The following DNM3 variants were observed in gnomAD, a reference collection of about 807,000 sequenced individuals.
DNM3 encodes dynamin-3.
A neutral mutation model predicts 101.6 loss-of-function variants in DNM3; 47 were observed. That is an observed-to-expected ratio of 0.46 (90% confidence interval 0.37 to 0.59). The LOEUF (loss-of-function observed/expected upper bound fraction) is 0.59. Among genes scored for constraint, DNM3 ranks in the 20% least tolerant of loss-of-function variants. The pLI is 0.00. For missense variants in DNM3, 849 were observed against 1,085.7 expected (o/e 0.78, Z 3.06); for synonymous variants, 385 against 387.9 (o/e 0.99, Z 0.09).
chr1:172,364,301 G>C (rs2067895739), intron 17 of DNM3, among the ~76,000 whole-genome samples: 1 of 151,818 alleles, frequency 6.6e-6, no homozygotes, highest in African/African-American at 2.4e-5. Context: ...CTGTGTATAA[G>C]GGGGTCATTT....
At chr1:172,313,172 T>C (rs2065151596) in intron 16 of DNM3, among the ~76,000 whole-genome samples, 1 of 152,224 alleles carries the variant, frequency 6.6e-6, no homozygotes, top group Non-Finnish European at 1.5e-5. Flanking sequence ...ATTACAACCA[T>C]TGTAAAATTT....
At chr1:172,376,922 G>A (rs1573656585) in intron 17 of DNM3, among the ~76,000 whole-genome samples, 1 of 151,842 alleles carries the variant, frequency 6.6e-6, no homozygotes, top group Admixed American at 6.6e-5. Context: ...ATTTTGATAT[G>A]CAAAAAAGTG....
Position 172,185,872 on chromosome 1 carries a change from T to G in DNM3, c.1659+54584T>G, listed in dbSNP as rs191648613. Among the ~76,000 whole-genome samples the G allele has an allele frequency of 5.9e-5, 9 of 152,188 alleles. No homozygotes were observed. The East Asian group carries it at 1.7e-3, about 29-fold the overall frequency. ...CTGGAGAAATGTCTTAGGAGCCACA[T>G]TTTGACTTTTTTGTCTGACGAATTT... On this transcript the variant is annotated intron_variant, in intron 14 of 20. Coordinates refer to ENST00000627582, the MANE Select transcript of DNM3 (RefSeq NM_015569.5).
Position 172,379,019 on chromosome 1 carries a change from C to T in DNM3, c.1895C>T (p.Ala632Val), listed in dbSNP as rs2068754822. The change falls in exon 18 of 21, where the codon GCT becomes GTT. Residue 632 changes from alanine to valine, a missense_variant and splice_region_variant. Around this residue, in one of 5 missense-constraint regions of DNM3, gnomAD observed 256 missense variants for 311.7 expected, o/e 0.82. Transcript: ENST00000627582. ...ATGGTTTGTTTTCTCTTCTTTTAGG[C>T]TGAAAATGATGAGAATGGACAAGCA... ...YPDKSVGNNK[A>V]ENDENGQAEN... 6.2e-7 allele frequency: 1 copy of T among 1,608,008 alleles called. No individual in the cohort carries two copies. The highest frequency in any genetic ancestry group is 1.3e-5 in the African/African-American group (1 of 74,508).
chr1:171,853,323 T>G (rs2033196370), intron 1 of DNM3, among the ~76,000 whole-genome samples: 1 of 150,650 alleles, frequency 6.6e-6, no homozygotes, highest in Admixed American at 6.6e-5. Context: ...ACCACCATGC[T>G]CAGCTAATTT....
chr1:171,894,393 C>CTTATT (rs772397600), intron 1 of DNM3, among the ~76,000 whole-genome samples: 125 of 152,172 alleles, frequency 8.2e-4, no homozygotes, highest in East Asian at 6.6e-3. Context: ...TTTATTTTTA[C>CTTATT]TTATTTTATT....
intron 20 of DNM3, among the ~76,000 whole-genome samples, chr1:172,399,318 C>A (rs772836723): frequency 6.6e-6 from 1 of 152,162 alleles, no homozygotes; most frequent in Non-Finnish European, 1.5e-5. Context: ...TTTTTCAAGG[C>A]GTTTCAAATT....
rs1409125198 is a variant in DNM3, at chr1:172,379,058, T to C, written c.1934T>C (p.Met645Thr). 4 of 1,612,386 alleles carry C rather than the reference T, an allele frequency of 2.5e-6. No individual in the cohort carries two copies. Among genetic ancestry groups the C allele is most frequent in the East Asian group, 2.2e-5 (1 of 44,824 alleles). ...DENGQAENFS[M>T]DPQLERQVET... ...AATGGACAAGCAGAAAACTTTTCCA[T>C]GGACCCACAATTGGAGAGGCAAGTG... The change falls in exon 18 of 21, where the codon ATG becomes ACG. Residue 645 changes from methionine (M) to threonine (T), a missense_variant. This residue lies in a region of DNM3 where 256 missense variants were observed against 311.7 expected (regional missense o/e 0.82). Transcript: ENST00000627582.
At chr1:172,068,657 C>G (rs1489905839) in intron 10 of DNM3, among the ~76,000 whole-genome samples, 162 bp from the exon 11 acceptor site, 1 of 152,152 alleles carries the variant, frequency 6.6e-6, no homozygotes, top group East Asian at 1.9e-4. Context: ...TGTGAAGCCT[C>G]TCCCATCACC....
intron 14 of DNM3, among the ~76,000 whole-genome samples, chr1:172,206,795 C>G (rs1257086304): frequency 6.6e-6 from 1 of 152,100 alleles, no homozygotes; most frequent in East Asian, 1.9e-4. Context: ...AACTGCTGAC[C>G]TGAAGTATCT....
Position 172,407,893 on chromosome 1 carries a change from A to G in DNM3, c.*52A>G. On this transcript the variant is annotated 3_prime_UTR_variant, in exon 21 of 21. Transcript: ENST00000627582. ...CACTAATGAATTATGCGAAAGCAAC[A>G]TATTTGATAACCGTTGCAGTAAATC... 6.2e-7 allele frequency: 1 copy of G among 1,611,802 alleles called. No homozygotes were observed. The highest frequency in any genetic ancestry group is 8.5e-7 in the Non-Finnish European group (1 of 1,178,400).
intron 1 of DNM3, among the ~76,000 whole-genome samples, chr1:171,903,435 A>C (rs1192868478): frequency 6.6e-6 from 1 of 152,190 alleles, no homozygotes; most frequent in Non-Finnish European, 1.5e-5. Flanking sequence ...AGTTAACAGT[A>C]ATACCACCTT....
At chr1:171,925,605 A>T (rs2040507661) in intron 2 of DNM3, among the ~76,000 whole-genome samples, 1 of 152,098 alleles carries the variant, frequency 6.6e-6, no homozygotes, top group Admixed American at 6.6e-5. Context: ...TCTGGATATT[A>T]GTCCTTTATT....
chr1:172,013,503 T>C (rs1366217699), intron 4 of DNM3, among the ~76,000 whole-genome samples: 1 of 152,060 alleles, frequency 6.6e-6, no homozygotes, highest in Non-Finnish European at 1.5e-5. Context: ...TTCCTGTTTT[T>C]GAAGAGACTA....
At chr1:172,145,832 T>C (rs577290477) in intron 14 of DNM3, among the ~76,000 whole-genome samples, 5 of 152,228 alleles carry the variant, frequency 3.3e-5, no homozygotes, top group Non-Finnish European at 5.9e-5. Flanking sequence ...GTTTTATCTC[T>C]GGTTAACTAA....
intron 2 of DNM3, among the ~76,000 whole-genome samples, chr1:171,942,935 A>G (rs1313613641): frequency 6.6e-6 from 1 of 151,988 alleles, no homozygotes; most frequent in Non-Finnish European, 1.5e-5. Flanking sequence ...CAACATAGTA[A>G]GACTTCATCT....
chr1:172,245,732 A>G (rs1048957309), intron 14 of DNM3, among the ~76,000 whole-genome samples: 2 of 152,202 alleles, frequency 1.3e-5, no homozygotes, highest in African/African-American at 4.8e-5. Context: ...GGTTCCAGCC[A>G]GACGGAGGTC....
Position 171,912,769 on chromosome 1 carries a change from A to G in DNM3, c.162-8979A>G, listed in dbSNP as rs371042850. Among the ~76,000 whole-genome samples, 646 of 152,324 alleles carry G rather than the reference A, an allele frequency of 4.2e-3. 12 individuals are homozygous for G. Among genetic ancestry groups the G allele is most frequent in the African/African-American group, 0.014 (601 of 41,578 alleles). On this transcript the variant is annotated intron_variant, in intron 1 of 20. Coordinates refer to ENST00000627582, the MANE Select transcript of DNM3 (RefSeq NM_015569.5). ...CTGGGAAATGCAGATTGATTTGTCT[A>G]TTAAAGTTGGGCACATTGCCATTCC...
At chr1:171,958,454 G>A (rs1216251072) in intron 2 of DNM3, among the ~76,000 whole-genome samples, 2 of 152,218 alleles carry the variant, frequency 1.3e-5, no homozygotes, top group Non-Finnish European at 2.9e-5. Context: ...GTTCCTGAAA[G>A]TGAGTTGGAA....
Sources: gnomAD v4.1 joint callset for allele counts (sites outside exome capture counted in the v4.1 genomes callset) on GRCh38, gnomAD v4.1.1 for gene constraint, gnomAD v4.1.1 regional missense constraint, MANE v1.5 for transcripts, NCBI Gene and HGNC (gene_info 2026-07-23, HGNC 2026-07-21) for gene names.